Variants in CFAP299 observed in about 807,000 individuals in gnomAD.
CFAP299 encodes cilia and flagella associated protein 299, also known as cilia- and flagella-associated protein 299.
A neutral mutation model predicts 27.0 loss-of-function variants in CFAP299; 21 were observed. That is an observed-to-expected ratio of 0.78 (90% confidence interval 0.55 to 1.12). The LOEUF (loss-of-function observed/expected upper bound fraction) is 1.12. Ranked by LOEUF, CFAP299 falls within the 50% of genes most tolerant of loss-of-function variation. The pLI is 0.00. For synonymous variants in CFAP299, 104 were observed against 98.1 expected (o/e 1.06, Z -0.36); for missense variants, 310 against 276.6 (o/e 1.12, Z -0.86).
chr4:80,922,351 G>A (rs942168909), intron 4 of CFAP299, among the ~76,000 whole-genome samples: 3 of 151,990 alleles, frequency 2.0e-5, no homozygotes, highest in African/African-American at 7.2e-5. Flanking sequence ...ACATACAAAG[G>A]TAAGAAAACA....
intron 2 of CFAP299, among the ~76,000 whole-genome samples, chr4:80,391,389 T>C (rs76428765): frequency 0.012 from 1,764 of 152,298 alleles, 43 homozygotes; most frequent in African/African-American, 0.04. Context: ...TGTTATCTTT[T>C]GTCTTTTTGA....
At chr4:80,759,766 A>T (rs905626424) in intron 3 of CFAP299, among the ~76,000 whole-genome samples, 1 of 152,238 alleles carries the variant, frequency 6.6e-6, no homozygotes, top group African/African-American at 2.4e-5. Context: ...AGAAATAATT[A>T]TGACTTTACG....
At chr4:80,581,453 G>GATAGAT (rs1212459486) in intron 2 of CFAP299, among the ~76,000 whole-genome samples, 1 of 103,032 alleles carries the variant, frequency 9.7e-6, no homozygotes, top group African/African-American at 6.3e-5. Flanking sequence ...TATTAAGTGA[G>GATAGAT]ATATATATAT....
intron 4 of CFAP299, among the ~76,000 whole-genome samples, chr4:80,889,731 T>C (rs1224982114): frequency 6.6e-6 from 1 of 152,000 alleles, no homozygotes; most frequent in Non-Finnish European, 1.5e-5. Context: ...CTCAACAAAA[T>C]ACTCGCAAAC....
At chr4:80,744,080 A>G (rs942648011) in intron 3 of CFAP299, among the ~76,000 whole-genome samples, 2 of 152,184 alleles carry the variant, frequency 1.3e-5, no homozygotes, top group Non-Finnish European at 1.5e-5. Flanking sequence ...AAAGTATATA[A>G]CATTACTTAT....
At chr4:80,660,894 T>C (rs1191452180) in intron 3 of CFAP299, among the ~76,000 whole-genome samples, 1 of 152,146 alleles carries the variant, frequency 6.6e-6, no homozygotes, top group Non-Finnish European at 1.5e-5. Context: ...AAAAAATGTC[T>C]GGATCAATCT....
chr4:80,599,329 A>G (rs1737212306), intron 3 of CFAP299, among the ~76,000 whole-genome samples: 2 of 152,134 alleles, frequency 1.3e-5, no homozygotes, highest in Non-Finnish European at 2.9e-5. Flanking sequence ...CTCTTTCTTA[A>G]GACATCTCCA....
At chr4:80,580,723 G>A (rs184201364) in intron 2 of CFAP299, among the ~76,000 whole-genome samples, 59 of 152,052 alleles carry the variant, frequency 3.9e-4, no homozygotes, top group African/African-American at 1.4e-3. Context: ...CTGAGCTACT[G>A]TTCACAAATA....
intron 3 of CFAP299, among the ~76,000 whole-genome samples, chr4:80,591,105 A>ATTTT (rs70944795): frequency 2.6e-4 from 33 of 126,880 alleles, no homozygotes; most frequent in African/African-American, 5.5e-4. Flanking sequence ...ACTTTAGGAA[A>ATTTT]TTTTTTTTTT....
At chr4:80,503,783 C>T (rs2110154399) in intron 2 of CFAP299, among the ~76,000 whole-genome samples, 1 of 152,200 alleles carries the variant, frequency 6.6e-6, no homozygotes, top group Middle Eastern at 3.4e-3. Context: ...GTGCTTGCCA[C>T]CAAGTAAATG....
At chr4:80,622,004 CAGAG>C (rs1271422734) in intron 3 of CFAP299, among the ~76,000 whole-genome samples, 1 of 152,032 alleles carries the variant, frequency 6.6e-6, no homozygotes, top group Non-Finnish European at 1.5e-5. Flanking sequence ...TTTTGGCTGA[CAGAG>C]AAGGCACTTA....
intron 3 of CFAP299, among the ~76,000 whole-genome samples, chr4:80,840,417 A>C (rs973856535): frequency 2.0e-5 from 3 of 152,110 alleles, no homozygotes; most frequent in Admixed American, 6.6e-5. Flanking sequence ...TTAAAGGTAA[A>C]TGTTACCGGG....
At chr4:80,900,274 A>G (rs1011668628) in intron 4 of CFAP299, among the ~76,000 whole-genome samples, 3 of 152,076 alleles carry the variant, frequency 2.0e-5, no homozygotes, top group Admixed American at 1.3e-4. Flanking sequence ...AGGCATTTAC[A>G]TAATTCTATC....
At chr4:80,883,323 T>TA (rs1390550239) in intron 4 of CFAP299, among the ~76,000 whole-genome samples, 1 of 151,960 alleles carries the variant, frequency 6.6e-6, no homozygotes, top group African/African-American at 2.4e-5. Flanking sequence ...AATCAAAGCA[T>TA]ACCACTATAA....
intron 1 of CFAP299, among the ~76,000 whole-genome samples, chr4:80,346,270 T>C (rs2109976976): frequency 6.6e-6 from 1 of 152,270 alleles, no homozygotes; most frequent in Admixed American, 6.5e-5. Flanking sequence ...CAGAAGCTCT[T>C]TAGTTTAATG....
chr4:80,900,801 A>T (rs571169058), intron 4 of CFAP299, among the ~76,000 whole-genome samples: 80 of 151,872 alleles, frequency 5.3e-4, no homozygotes, highest in Non-Finnish European at 9.7e-4. Context: ...ATCAATCAAA[A>T]TTTTTTTCTA....
rs1483136548 is a variant in CFAP299 at position 80,771,034 on chromosome 4, C to T, written c.334-98959C>T. 2.6e-5 allele frequency among the ~76,000 whole-genome samples: 4 copies of T among 152,054 alleles called. No individual in the cohort carries two copies. The East Asian group carries it at 7.7e-4, about 29-fold the overall frequency. ...CAATAACCAATTATGGGAATCATAT[C>T]CCATCGTATTCTCAGGATCTGTCCA... On this transcript the variant is annotated intron_variant, in intron 3 of 5. Transcript: ENST00000358105.
At chr4:80,612,154 T>G (rs1252852893) in intron 3 of CFAP299, among the ~76,000 whole-genome samples, 1 of 152,022 alleles carries the variant, frequency 6.6e-6, no homozygotes, top group African/African-American at 2.4e-5. Context: ...TAGCAAACCA[T>G]CGTGTTTTAT....
chr4:80,871,028 T>C (rs538463332), intron 4 of CFAP299: 300 of 475,572 alleles, frequency 6.3e-4, no homozygotes, highest in Non-Finnish European at 7.6e-4. Flanking sequence ...TGTCTCAGCC[T>C]CCCATGCAGC....
Sources: allele counts gnomAD v4.1 joint callset (sites outside exome capture counted in the v4.1 genomes callset), GRCh38; gene constraint gnomAD v4.1.1; transcripts MANE v1.5; gene names NCBI Gene and HGNC (gene_info 2026-07-23, HGNC 2026-07-21).